The following DLC1 variants were observed in gnomAD, a reference collection of about 807,000 sequenced individuals.
The protein encoded by DLC1 is DLC1 Rho GTPase activating protein.
A neutral mutation model predicts 140.3 loss-of-function variants in DLC1; 54 were observed. The ratio of observed to expected loss-of-function variants is 0.38; its 90% CI spans 0.31 to 0.48. DLC1 has a LOEUF of 0.48. DLC1 is among the 20% of genes least tolerant of loss of function. The pLI, the probability that DLC1 is intolerant of heterozygous loss-of-function variation, is 0.96. For missense variants in DLC1, 2,536 were observed against 1,907.0 expected, an observed-to-expected ratio of 1.33 and a Z score of -6.14; for synonymous variants, 986 against 728.1, an observed-to-expected ratio of 1.35 and a Z score of -5.70.
At chr8:13,152,030 C>G (rs1459652621) in intron 5 of DLC1, among the ~76,000 whole-genome samples, 1 of 152,112 alleles carries the variant, frequency 6.6e-6, no homozygotes, top group Non-Finnish European at 1.5e-5. Flanking sequence ...ATGGATTGCC[C>G]ATTTTTTATA....
chr8:13,349,916 A>T (rs1015665979), intron 4 of DLC1, among the ~76,000 whole-genome samples: 2 of 152,224 alleles, frequency 1.3e-5, no homozygotes, highest in Non-Finnish European at 2.9e-5. Flanking sequence ...ATCCAGCTGC[A>T]TATGGACTCT....
chr8:13,120,203 C>T (rs1338693272), intron 5 of DLC1, among the ~76,000 whole-genome samples: 3 of 150,558 alleles, frequency 2.0e-5, no homozygotes, highest in Non-Finnish European at 4.4e-5. Context: ...ATTAGCCAGG[C>T]GTGGTGGCGG....
chr8:13,440,019 A>G (rs1159763249), intron 2 of DLC1, among the ~76,000 whole-genome samples: 3 of 152,188 alleles, frequency 2.0e-5, no homozygotes, highest in Admixed American at 6.5e-5. Flanking sequence ...TGAACATTCA[A>G]TCTGTGAGAC....
intron 5 of DLC1, among the ~76,000 whole-genome samples, chr8:13,285,884 C>A (rs995235861): frequency 6.6e-6 from 1 of 152,220 alleles, no homozygotes. Flanking sequence ...TGGCAGAGAT[C>A]AGCTCAGTGC....
chr8:13,445,862 A>G (rs1451289895), intron 2 of DLC1, among the ~76,000 whole-genome samples: 2 of 152,202 alleles, frequency 1.3e-5, no homozygotes, highest in Non-Finnish European at 2.9e-5. Context: ...TCTATGTGCT[A>G]TTGAGAGATA....
chr8:13,144,475 T>G (rs546272058), intron 5 of DLC1, among the ~76,000 whole-genome samples: 9 of 152,196 alleles, frequency 5.9e-5, no homozygotes, highest in Non-Finnish European at 8.8e-5. Context: ...CTTAATAAAT[T>G]ATCTCTCGGG....
chr8:13,580,130 T>C (rs1181484413), intron 1 of DLC1, among the ~76,000 whole-genome samples: 1 of 151,934 alleles, frequency 6.6e-6, no homozygotes, highest in Admixed American at 6.6e-5. Context: ...CATTTATTTT[T>C]TTATTTTTTT....
At chr8:13,454,168 G>A (rs1262480200) in intron 2 of DLC1, among the ~76,000 whole-genome samples, 1 of 152,038 alleles carries the variant, frequency 6.6e-6, no homozygotes, top group African/African-American at 2.4e-5. Flanking sequence ...AAAAACAAAT[G>A]TTTGTCCAAC....
At chr8:13,464,527 A>T (rs1176686773) in intron 2 of DLC1, among the ~76,000 whole-genome samples, 1 of 151,924 alleles carries the variant, frequency 6.6e-6, no homozygotes, top group Non-Finnish European at 1.5e-5. Flanking sequence ...TACACGAAAC[A>T]TATGTCCCAT....
At chr8:13,231,863 A>G (rs1385461787) in intron 5 of DLC1, among the ~76,000 whole-genome samples, 1 of 152,214 alleles carries the variant, frequency 6.6e-6, no homozygotes, top group African/African-American at 2.4e-5. Flanking sequence ...GTATGTAGAT[A>G]TGCTTAATTA....
intron 5 of DLC1, among the ~76,000 whole-genome samples, chr8:13,166,275 T>A (rs1825100401): frequency 6.6e-6 from 1 of 152,210 alleles, no homozygotes; most frequent in Non-Finnish European, 1.5e-5. Context: ...AGGCCATCAT[T>A]CCTTTTGATC....
intron 4 of DLC1, among the ~76,000 whole-genome samples, chr8:13,324,917 C>T (rs1671388): frequency 0.85 from 129,699 of 152,128 alleles, 55,752 homozygotes; most frequent in East Asian, 0.95. Flanking sequence ...TTTGACAACA[C>T]TTTGGTGATA....
intron 4 of DLC1, among the ~76,000 whole-genome samples, chr8:13,352,171 C>G (rs1310190138): frequency 6.6e-6 from 1 of 152,076 alleles, no homozygotes; most frequent in Non-Finnish European, 1.5e-5. Flanking sequence ...CATTGTGATC[C>G]TTGTTGGCAG....
At chr8:13,564,519 T>G (rs147571801) in intron 1 of DLC1, among the ~76,000 whole-genome samples, 4 of 152,148 alleles carry the variant, frequency 2.6e-5, no homozygotes, top group Non-Finnish European at 5.9e-5. Context: ...TAAACTAGAC[T>G]CCCACTTTGT....
chr8:13,580,141 G>A (rs1357248405), intron 1 of DLC1, among the ~76,000 whole-genome samples: 4 of 38,770 alleles, frequency 1.0e-4, no homozygotes, highest in Middle Eastern at 0.013. Context: ...TTATTTTTTT[G>A]AGACAGAGTT....
At chr8:13,327,696 C>T (rs1671384) in intron 4 of DLC1, among the ~76,000 whole-genome samples, 128,228 of 151,858 alleles carry the variant, frequency 0.84, 54,752 homozygotes, top group East Asian at 0.95. Context: ...AGCCTCTACT[C>T]TGTATCAGGC....
intron 3 of DLC1, among the ~76,000 whole-genome samples, chr8:13,400,424 T>C (rs1015641506): frequency 1.3e-5 from 2 of 152,230 alleles, no homozygotes; most frequent in Non-Finnish European, 2.9e-5. Context: ...GGTATAATGC[T>C]GACATTTGAA....
chr8:13,220,672 G>C (rs998973368), intron 5 of DLC1, among the ~76,000 whole-genome samples: 3 of 152,158 alleles, frequency 2.0e-5, no homozygotes, highest in Non-Finnish European at 4.4e-5. Context: ...CTGCGTTACT[G>C]TGGAGGAAAG....
rs144352802 is a variant in DLC1, at chr8:13,095,705, TAG to T, written c.3168-462_3168-461del. 3.6e-3 allele frequency: 575 copies of T among 160,278 alleles called. 8 individuals carry two copies. Among genetic ancestry groups the T allele is most frequent in the East Asian group, 0.034 (195 of 5,782 alleles). 9.9% of individuals were successfully genotyped at this position (160,278 alleles called of 1,614,324 possible). ...TAATACCCTAATTAGGTGCATCTGA[TAG>T]AGTGTGAAAAACAAGGTCCCTTTTG... On this transcript the variant is annotated intron_variant, in intron 10 of 17. Transcript: ENST00000276297.
Sources: allele counts gnomAD v4.1 joint callset (sites outside exome capture counted in the v4.1 genomes callset), GRCh38; gene constraint gnomAD v4.1.1; transcripts MANE v1.5; gene names NCBI Gene and HGNC (gene_info 2026-07-23, HGNC 2026-07-21).